The following DCST1 variants were observed in gnomAD, a reference collection of about 807,000 sequenced individuals.
DCST1 encodes the protein E3 ubiquitin-protein ligase DCST1.
Under a neutral mutation model 89.1 loss-of-function variants are expected in DCST1, and 78 were observed. That is an observed-to-expected ratio of 0.88 (90% CI 0.73 to 1.06). The LOEUF is 1.06. Ranked by LOEUF, DCST1 falls within the 50% of genes least tolerant of loss-of-function variation. DCST1 has a pLI of 0.00. For missense variants in DCST1, 900 were observed against 928.6 expected (o/e 0.97, Z 0.40); for synonymous variants, 364 against 371.9 (o/e 0.98, Z 0.24).
At chr1:155,036,796 G>A (rs999518496) in intron 4 of DCST1, among the ~76,000 whole-genome samples, 1 of 152,244 alleles carries the variant, frequency 6.6e-6, no homozygotes. Flanking sequence ...TCTTGCAGAG[G>A]GCAGTTCTTT....
chr1:155,034,818 T>G, intron 4 of DCST1, 91 bp downstream of exon 4: 5 of 1,389,184 alleles, frequency 3.6e-6, no homozygotes, highest in Non-Finnish European at 5.1e-6. Context: ...GACTTGTTTC[T>G]TCTGTACCCA....
At chr1:155,047,113 A>AC in intron 13 of DCST1, 83 bp from the exon 14 acceptor site, 1 of 1,083,094 alleles carries the variant, frequency 9.2e-7, no homozygotes, top group Non-Finnish European at 1.4e-6. Flanking sequence ...CTGTGTCTTG[A>AC]CCCCTCCCTG....
intron 10 of DCST1, 59 bp downstream of exon 10, chr1:155,043,568 T>C: frequency 1.3e-6 from 2 of 1,502,878 alleles, no homozygotes; most frequent in South Asian, 1.3e-5. Context: ...AGCCCTGCCC[T>C]GAGGGAGGCT....
At position 155,041,849 on chromosome 1, in the gene DCST1, TTGCCAAGGGTC is replaced by T; in HGVS notation, c.888_892+6del. The T allele has an allele frequency of 6.2e-7, 1 of 1,614,220 alleles. No homozygotes were observed. Among genetic ancestry groups the T allele is most frequent in the Non-Finnish European group, 8.5e-7 (1 of 1,180,032 alleles). ...ATGAAGTTCAAGTTCTTCTGTGGCA[TTGCCAAGGGTC>T]TGCACAGTTGCAAAGGGGTGGGGAG... On this transcript the variant is annotated splice_donor_variant and splice_donor_region_variant and coding_sequence_variant and intron_variant, in exon 8 of 17. Coordinates refer to ENST00000295542, the MANE Select transcript of DCST1 (RefSeq NM_152494.4). LOFTEE classifies it high-confidence loss of function.
At chr1:155,037,634 G>C (rs1358106005) in intron 4 of DCST1, among the ~76,000 whole-genome samples, 1 of 151,812 alleles carries the variant, frequency 6.6e-6, no homozygotes, top group African/African-American at 2.4e-5. Flanking sequence ...AGTTGAGACA[G>C]CCATGTTGGC....
intron 16 of DCST1, among the ~76,000 whole-genome samples, chr1:155,050,218 G>T (rs776142435): frequency 3.9e-5 from 6 of 152,232 alleles, no homozygotes; most frequent in Non-Finnish European, 7.3e-5. Flanking sequence ...AGGGCCCCTG[G>T]GGTCCAGCCA....
At position 155,039,395 on chromosome 1, in the gene DCST1, C is replaced by T. The variant is rs1440655506; in HGVS notation, c.263-8C>T. The T allele has an allele frequency of 6.4e-7, 1 of 1,564,664 alleles. No individual in the cohort carries two copies. Among genetic ancestry groups the T allele is most frequent in the Non-Finnish European group, 8.7e-7 (1 of 1,153,940 alleles). On this transcript the variant is annotated splice_polypyrimidine_tract_variant and splice_region_variant and intron_variant, in intron 4 of 16. Coordinates refer to ENST00000295542, the MANE Select transcript of DCST1 (RefSeq NM_152494.4). ...TTCAGCTCACCACCTCCTGGGCTCTCCTGACAGGCTTGGGGGCCATGGGCT... is the reference window on the plus strand; with the variant it reads ...TTCAGCTCACCACCTCCTGGGCTCTTCTGACAGGCTTGGGGGCCATGGGCT...
intron 2 of DCST1, 62 bp downstream of exon 2, chr1:155,034,159 T>G: frequency 6.2e-7 from 1 of 1,601,030 alleles, no homozygotes; most frequent in East Asian, 2.2e-5. Context: ...TCTCTCCTCC[T>G]GGAACTCCTG....
chr1:155,043,430 CGCCAG>C lies in DCST1; in HGVS notation c.1095_1099del (p.Gln366GlyfsTer33). The C allele has an allele frequency of 6.2e-7, 1 of 1,613,496 alleles. No homozygotes were observed. Among genetic ancestry groups the C allele is most frequent in the Non-Finnish European group, 8.5e-7 (1 of 1,179,778 alleles). ...CACCGAGGTGCGGGACTACGTGTAC[CGCCAG>C]GAGGCCCGGCTGGAGTGGGCCCTGG... On this transcript the variant is annotated frameshift_variant, in exon 10 of 17. Coordinates refer to ENST00000295542, the MANE Select transcript of DCST1 (RefSeq NM_152494.4). LOFTEE classifies it high-confidence loss of function.
intron 15 of DCST1, 35 bp from the exon 16 acceptor site, chr1:155,048,022 C>T (rs200709699): frequency 2.5e-6 from 4 of 1,613,432 alleles, no homozygotes; most frequent in Non-Finnish European, 3.4e-6. Flanking sequence ...TTGGGGGATG[C>T]CTTTCTCTAT....
rs932316953 is a variant in DCST1, at chr1:155,048,283, G to A, written c.1869+113G>A. The A allele has an allele frequency of 2.0e-5, 16 of 808,604 alleles. 1 individual carries two copies. The highest frequency in any genetic ancestry group is 8.0e-5 in the East Asian group (3 of 37,492). 50.1% of individuals were successfully genotyped at this position (808,604 alleles called of 1,614,324 possible). A position where few individuals can be genotyped will look rare whatever the true frequency, so the allele number is the denominator to read the frequency against. ...CCCACCAATGGTCGCAGGCCTACTC[G>A]AGCCTGGTAAGTTCTTTTTATTTTT... On this transcript the variant is annotated intron_variant, in intron 16 of 16. Transcript: ENST00000295542.
intron 6 of DCST1, 30 bp from the exon 7 acceptor site, chr1:155,041,361 GCCCTCA>G (rs1425861193): frequency 1.2e-6 from 2 of 1,608,790 alleles, no homozygotes; most frequent in African/African-American, 2.7e-5. Context: ...TAAAGCCCCA[GCCCTCA>G]CCCTTTCCTC....
chr1:155,043,541 C>A, intron 10 of DCST1, 32 bp downstream of exon 10: 1 of 1,547,134 alleles, frequency 6.5e-7, no homozygotes, highest in Non-Finnish European at 8.7e-7. Context: ...AGCAGCCCCT[C>A]CTCTGCCCCG....
chr1:155,049,224 A>T (rs572265562), intron 16 of DCST1: 1 of 597,894 alleles, frequency 1.7e-6, no homozygotes, highest in African/African-American at 1.9e-5. Flanking sequence ...AATGGGGTTA[A>T]CTACTCCATC....
chr1:155,043,907 C>G (rs1468458475), intron 10 of DCST1, among the ~76,000 whole-genome samples: 1 of 152,240 alleles, frequency 6.6e-6, no homozygotes, highest in Non-Finnish European at 1.5e-5. Flanking sequence ...GACTTTCCCT[C>G]CATTTAGAAC....
chr1:155,038,483 G>T (rs530774466), intron 4 of DCST1, among the ~76,000 whole-genome samples: 1 of 152,250 alleles, frequency 6.6e-6, no homozygotes, highest in Non-Finnish European at 1.5e-5. Context: ...TATAGTCCCA[G>T]TAAGAGATGA....
Position 155,041,773 on chromosome 1 carries a change from T to C in DCST1, c.808T>C (p.Cys270Arg). The change falls in exon 8 of 17, where the codon TGC (cysteine) becomes CGC (arginine). Residue 270 changes from cysteine (C) to arginine (R), a missense_variant. Cys to Arg is a radical substitution (Grantham distance 180). Coordinates refer to ENST00000295542, the MANE Select transcript of DCST1 (RefSeq NM_152494.4). ...RRWFDRKHEQCMKHIWVPLLT... is the reference protein window; with the variant it reads ...RRWFDRKHEQRMKHIWVPLLT... ...TTGGTTTGACCGCAAGCATGAACAG[T>C]GCATGAAGCACATCTGGGTCCCACT... The C allele has an allele frequency of 1.2e-6, 2 of 1,614,226 alleles. No homozygotes were observed. The highest frequency in any genetic ancestry group is 1.7e-6 in the Non-Finnish European group (2 of 1,180,038).
intron 16 of DCST1, chr1:155,049,402 T>A (rs1660778193): frequency 3.8e-6 from 1 of 264,046 alleles, no homozygotes; most frequent in East Asian, 6.8e-5. Flanking sequence ...CTGCCTTACA[T>A]GACAATTGAA....
chr1:155,048,275 G>GCA lies in DCST1; in HGVS notation c.1869+106_1869+107insAC, dbSNP rs1338254809. Reference sequence around the variant, plus strand: ...ACCCAGCACCCACCAATGGTCGCAGGCCTACTCGAGCCTGGTAAGTTCTTT... The same window carrying GCA: ...ACCCAGCACCCACCAATGGTCGCAGGCACCTACTCGAGCCTGGTAAGTTCTTT... On this transcript the variant is annotated intron_variant, in intron 16 of 16. Coordinates refer to ENST00000295542, the MANE Select transcript of DCST1 (RefSeq NM_152494.4). 30 of 836,612 alleles carry GCA rather than the reference G, an allele frequency of 3.6e-5. No homozygotes were observed. In the Admixed American group the frequency reaches 7.2e-4, roughly 20 times the overall value. The allele number at this position is 836,612 out of a possible 1,614,324, so 51.8% of individuals were successfully genotyped here.
Sources: allele counts gnomAD v4.1 joint callset (sites outside exome capture counted in the v4.1 genomes callset), GRCh38; gene constraint gnomAD v4.1.1; transcripts MANE v1.5; gene names NCBI Gene and HGNC (gene_info 2026-07-23, HGNC 2026-07-21).